NAV1: variants seen among roughly 807,000 people sequenced by gnomAD.
The protein encoded by NAV1 is neuron navigator 1.
A neutral mutation model predicts 175.2 loss-of-function variants in NAV1; 18 were observed. The observed-to-expected ratio is 0.10, with a 90% CI of 0.07 to 0.15. The LOEUF is 0.15. Ranked by LOEUF, NAV1 falls within the 10% of genes least tolerant of loss-of-function variation. NAV1 has a pLI of 1.00. For missense variants in NAV1, 1,731 were observed against 2,436.6 expected (o/e 0.71, Z 6.10); for synonymous variants, 897 against 978.7 (o/e 0.92, Z 1.56).
At chr1:201,597,564 C>T (rs947907260) in intron 2 of NAV1, among the ~76,000 whole-genome samples, 15 of 152,212 alleles carry the variant, frequency 9.9e-5, no homozygotes, top group Non-Finnish European at 1.9e-4. Context: ...GGCTGCAGAG[C>T]CCGTGCTCCA....
At chr1:201,637,711 C>G (rs1400532895) in intron 2 of NAV1, among the ~76,000 whole-genome samples, 1 of 152,196 alleles carries the variant, frequency 6.6e-6, no homozygotes. Flanking sequence ...GTTTGCTTGT[C>G]CCCATCCAAC....
chr1:201,710,382 G>A lies in NAV1; in HGVS notation c.758-2435G>A, dbSNP rs185856791. Among the ~76,000 whole-genome samples, 341 of 151,804 alleles carry A rather than the reference G, an allele frequency of 2.2e-3. 4 individuals carry two copies. In the East Asian group the frequency reaches 0.04, roughly 18 times the overall value. On this transcript the variant is annotated intron_variant, in intron 1 of 29. Transcript: ENST00000367296. Reference sequence around the variant, plus strand: ...GTTCATTACAGCATTGAACTCTTGGGCTCAAGTGATCTTCCTGCCTCAGCC... The same window carrying A: ...GTTCATTACAGCATTGAACTCTTGGACTCAAGTGATCTTCCTGCCTCAGCC...
rs80118437 is a variant in NAV1 at position 201,590,763 on chromosome 1, T to C, written c.-33+2114T>C. Among the ~76,000 whole-genome samples, 710 of 152,220 alleles carry C rather than the reference T, an allele frequency of 4.7e-3. 7 individuals are homozygous for C. The highest frequency in any genetic ancestry group is 0.016 in the African/African-American group (659 of 41,542). On this transcript the variant is annotated intron_variant, in intron 2 of 33. Transcript: ENST00000685211. The stretch of plus-strand genomic sequence containing the variant: ...CCAGGCCTCTTGCCCGTCTGAGAAC[T>C]CTTTTTGCCCCATTTTCCAGCCCAG...
At chr1:201,785,053 C>A (rs58263518) in intron 7 of NAV1, among the ~76,000 whole-genome samples, 2,437 of 152,346 alleles carry the variant, frequency 0.016, 62 homozygotes, top group African/African-American at 0.052. Flanking sequence ...CAGGCGTGAG[C>A]TACGGCGCCC....
At position 201,793,885 on chromosome 1, in the gene NAV1, CTGGGAAAGGG is replaced by C; in HGVS notation, c.3405+16_3405+25del. ...GACGGCCGAGGAGAAGGTGAGAGGC[CTGGGAAAGGG>C]TGGGAGGGGTGGGTGCGGCGAGGGG... On this transcript the variant is annotated intron_variant, in intron 14 of 29. Coordinates refer to ENST00000367296, the Ensembl canonical transcript of NAV1. 1.9e-6 allele frequency: 1 copy of C among 538,498 alleles called. No homozygotes were observed. The highest frequency in any genetic ancestry group is 3.5e-6 in the Non-Finnish European group (1 of 288,082). 33.4% of individuals were successfully genotyped at this position (538,498 alleles called of 1,614,324 possible).
At chr1:201,801,523 G>A (rs1291802657) in intron 15 of NAV1, among the ~76,000 whole-genome samples, 1 of 152,072 alleles carries the variant, frequency 6.6e-6, no homozygotes, top group Non-Finnish European at 1.5e-5. Context: ...GCCTCACTGT[G>A]TTGCCCAGGC....
intron 2 of NAV1, among the ~76,000 whole-genome samples, chr1:201,599,586 G>T (rs1667461686): frequency 6.6e-6 from 1 of 152,202 alleles, no homozygotes; most frequent in African/African-American, 2.4e-5. Context: ...CGAAATCCAG[G>T]ACTTAGGGCC....
At chr1:201,794,092 C>G (rs576758899) in intron 14 of NAV1, 2 of 692,694 alleles carry the variant, frequency 2.9e-6, no homozygotes, top group African/African-American at 3.5e-5. Flanking sequence ...AATTCCAATG[C>G]CTCGCCCATT....
intron 1 of NAV1, among the ~76,000 whole-genome samples, chr1:201,557,659 G>A (rs535591351): frequency 2.0e-5 from 3 of 152,302 alleles, no homozygotes; most frequent in South Asian, 4.1e-4. Context: ...ACTGAGGACC[G>A]GCTTGCCCAC....
intron 1 of NAV1, among the ~76,000 whole-genome samples, chr1:201,575,836 C>A (rs1017068092): frequency 6.6e-6 from 1 of 152,160 alleles, no homozygotes. Flanking sequence ...CATCTTGGTC[C>A]TTGATCACCA....
At chr1:201,799,297 T>C (rs964984455) in intron 15 of NAV1, among the ~76,000 whole-genome samples, 6 of 152,210 alleles carry the variant, frequency 3.9e-5, no homozygotes, top group Admixed American at 2.0e-4. Flanking sequence ...TTCAAACATA[T>C]ATTTGCTGAA....
intron 2 of NAV1, among the ~76,000 whole-genome samples, chr1:201,631,533 T>C (rs1668479304): frequency 6.6e-6 from 1 of 152,224 alleles, no homozygotes; most frequent in African/African-American, 2.4e-5. Context: ...GCCTTCAAGA[T>C]GTTCACAGCC....
intron 2 of NAV1, among the ~76,000 whole-genome samples, chr1:201,638,775 G>C (rs904542254): frequency 6.6e-6 from 1 of 152,162 alleles, no homozygotes; most frequent in East Asian, 1.9e-4. Flanking sequence ...TGCTTCAAAG[G>C]CTTTTATGAA....
At chr1:201,783,952 T>C (rs957756509) in intron 7 of NAV1, 100 bp downstream of exon 11, 11 of 1,131,610 alleles carry the variant, frequency 9.7e-6, no homozygotes, top group Non-Finnish European at 1.4e-5. Flanking sequence ...TTTTGTGACT[T>C]TTGACATTTT....
At chr1:201,712,046 C>T (rs938473374) in intron 1 of NAV1, among the ~76,000 whole-genome samples, 3 of 152,206 alleles carry the variant, frequency 2.0e-5, no homozygotes, top group Admixed American at 6.5e-5. Context: ...CCCATGCATC[C>T]TTCTCACTCA....
intron 1 of NAV1, among the ~76,000 whole-genome samples, chr1:201,581,695 G>T (rs1666867222): frequency 6.6e-6 from 1 of 152,064 alleles, no homozygotes; most frequent in Non-Finnish European, 1.5e-5. Flanking sequence ...CGGGTGTCGT[G>T]GTGGGCGCCT....
intron 1 of NAV1, among the ~76,000 whole-genome samples, chr1:201,543,259 T>C (rs1238743673): frequency 6.6e-6 from 1 of 152,236 alleles, no homozygotes. Context: ...TGATGTTAGC[T>C]GTGGGCTTTT....
At chr1:201,583,409 C>T (rs2102198166) in intron 1 of NAV1, among the ~76,000 whole-genome samples, 1 of 152,368 alleles carries the variant, frequency 6.6e-6, no homozygotes, top group South Asian at 2.1e-4. Flanking sequence ...ATCTCTCCCG[C>T]TCCCATTATC....
chr1:201,796,696 G>C (rs1304135131), intron 15 of NAV1: 1 of 152,206 alleles, frequency 6.6e-6, no homozygotes, highest in Non-Finnish European at 1.5e-5. Flanking sequence ...GTGGGTGTGA[G>C]GTGGTATCTC....
Sources: allele counts gnomAD v4.1 joint callset (sites outside exome capture counted in the v4.1 genomes callset), GRCh38; gene constraint gnomAD v4.1.1; transcripts MANE v1.5; gene names NCBI Gene and HGNC (gene_info 2026-07-23, HGNC 2026-07-21).